The following KCNH2 variants were observed in gnomAD, a reference collection of about 807,000 sequenced individuals.
KCNH2 encodes voltage-gated inwardly rectifying potassium channel KCNH2.
In KCNH2, 35 loss-of-function variants were observed where a neutral mutation model predicts 95.9. That is an observed-to-expected ratio of 0.37 (90% CI 0.28 to 0.48). The LOEUF (loss-of-function observed/expected upper bound fraction) is 0.48. Ranked by LOEUF, KCNH2 falls within the 20% of genes least tolerant of loss-of-function variation. KCNH2 has a pLI of 0.99. For synonymous variants in KCNH2, 786 were observed against 754.7 expected (o/e 1.04, Z -0.68); for missense variants, 1,274 against 1,702.9 (o/e 0.75, Z 4.43).
intron 3 of KCNH2, among the ~76,000 whole-genome samples, chr7:150,958,865 C>T (rs1406777006): frequency 6.6e-6 from 1 of 152,160 alleles, no homozygotes; most frequent in African/African-American, 2.4e-5. Flanking sequence ...CCTAAGTGGG[C>T]GACACAATGC....
chr7:150,953,152 A>C (rs1801249170), intron 5 of KCNH2, among the ~76,000 whole-genome samples: 1 of 152,174 alleles, frequency 6.6e-6, no homozygotes, highest in Non-Finnish European at 1.5e-5. Context: ...CCGGCAATGC[A>C]GATGCAGACC....
Position 150,952,933 on chromosome 7 carries a change from G to T in KCNH2, c.1129-80C>A. The T allele has an allele frequency of 7.1e-7, 1 of 1,407,904 alleles. No homozygotes were observed. Among genetic ancestry groups the T allele is most frequent in the Non-Finnish European group, 9.8e-7 (1 of 1,016,268 alleles). 87.2% of individuals were successfully genotyped at this position (1,407,904 alleles called of 1,614,324 possible). A position where few individuals can be genotyped will look rare whatever the true frequency, so the allele number is the denominator to read the frequency against. ...CAGGAGCGATGACATCTCTGCCGGG[G>T]CCAAGCAGAATGAGGAGGAGGCCAA... On this transcript the variant is annotated intron_variant, in intron 5 of 14. Transcript: ENST00000262186. The surrounding 1 kb of genome is among the most constrained non-coding windows in gnomAD (Gnocchi z 7.3).
chr7:150,952,652 C>T lies in KCNH2; in HGVS notation c.1330G>A (p.Glu444Lys), dbSNP rs201268831. The change falls in exon 6 of 15, where the codon GAG becomes AAG. Residue 444 changes from glutamate to lysine, a missense_variant. Coordinates refer to ENST00000262186, the MANE Select transcript of KCNH2 (RefSeq NM_000238.4). This position sits in a 1 kb window ranked among gnomAD's most constrained non-coding sequence, Gnocchi z 7.3. ...AGCGGCTGGCAGGCGTAGCCACACT[C>T]GGTAGCAGGCGGGCCTTCTTCCGTC... is the stretch of plus-strand genomic sequence containing the variant. ...KETEEGPPAT[E>K]CGYACQPLAV... 9.9e-6 allele frequency: 16 copies of T among 1,614,082 alleles called. No individual in the cohort carries two copies. Among genetic ancestry groups the T allele is most frequent in the African/African-American group, 5.3e-5 (4 of 74,938 alleles).
chr7:150,955,095 ATC>A (rs1377735432), intron 5 of KCNH2, among the ~76,000 whole-genome samples: 1 of 151,870 alleles, frequency 6.6e-6, no homozygotes, highest in Non-Finnish European at 1.5e-5. Flanking sequence ...CCTCCCCACC[ATC>A]TCTCTGGGCA....
chr7:150,975,018 C>T, intron 1 of KCNH2, 77 bp from the exon 2 acceptor site: 1 of 1,318,124 alleles, frequency 7.6e-7, no homozygotes, highest in Admixed American at 2.1e-5. Flanking sequence ...CCACATTCTC[C>T]ACTCACACAG....
intron 1 of KCNH2, among the ~76,000 whole-genome samples, chr7:150,976,730 A>ACCC (rs372819784): frequency 1.5e-5 from 2 of 132,382 alleles, no homozygotes; most frequent in African/African-American, 5.8e-5. Context: ...AGAATCCAGC[A>ACCC]CCCCCCCCCA....
Position 150,947,733 on chromosome 7 carries a change from T to G in KCNH2, c.2838A>C (p.Pro946=). Residue 946 remains proline (P), a synonymous_variant, in exon 12 of 15, where the codon CCA becomes CCC. Coordinates refer to ENST00000262186, the MANE Select transcript of KCNH2 (RefSeq NM_000238.4). Reference sequence around the variant, plus strand: ...GGCGGAGGGGGCTGGAGCTGCGGCCTGGGCCCTCATCCTCACTGCTCTCAG... The same window carrying G: ...GGCGGAGGGGGCTGGAGCTGCGGCCGGGGCCCTCATCCTCACTGCTCTCAG... ...SSPESSEDEG[P]GRSSSPLRLV... The G allele has an allele frequency of 6.4e-7, 1 of 1,560,600 alleles. No homozygotes were observed. The highest frequency in any genetic ancestry group is 8.7e-7 in the Non-Finnish European group (1 of 1,156,010).
intron 2 of KCNH2, among the ~76,000 whole-genome samples, chr7:150,967,968 G>A (rs1328764428): frequency 6.6e-6 from 1 of 152,222 alleles, no homozygotes; most frequent in Non-Finnish European, 1.5e-5. Context: ...AAATTAAAAT[G>A]AGCAAAGGAC....
At position 150,958,044 on chromosome 7, in the gene KCNH2, C is replaced by T. The variant is rs890879636; in HGVS notation, c.916+15G>A. 65 of 1,263,380 alleles carry T rather than the reference C, an allele frequency of 5.1e-5. No individual in the cohort carries two copies. The highest frequency in any genetic ancestry group is 6.1e-5 in the Non-Finnish European group (61 of 1,007,894). 78.3% of individuals were successfully genotyped at this position (1,263,380 alleles called of 1,614,324 possible). A position where few individuals can be genotyped will look rare whatever the true frequency, so the allele number is the denominator to read the frequency against. On this transcript the variant is annotated intron_variant, in intron 4 of 14. Coordinates refer to ENST00000262186, the MANE Select transcript of KCNH2 (RefSeq NM_000238.4). ...AGCGTGGGCTGGGGCGGAACGGGTC[C>T]CGCGGCGCCCTCACCGGTGCTGGCG... is the stretch of plus-strand genomic sequence containing the variant.
intron 5 of KCNH2, among the ~76,000 whole-genome samples, chr7:150,953,952 G>C (rs916253149): frequency 6.6e-6 from 1 of 152,226 alleles, no homozygotes; most frequent in African/African-American, 2.4e-5. Context: ...GAGTCCCAAA[G>C]ACTCCCCTTC....
At position 150,958,107 on chromosome 7, in the gene KCNH2, C is replaced by G. The variant is rs532891158; in HGVS notation, c.868G>C (p.Ala290Pro). The change falls in exon 4 of 15, where the codon GCC becomes CCC. Residue 290 changes from alanine (A) to proline (P), a missense_variant. By Grantham distance (27) the Ala-to-Pro change is conservative. Coordinates refer to ENST00000262186, the MANE Select transcript of KCNH2 (RefSeq NM_000238.4). ...GGGGGCAGCACCCCGGCGCGCATGG[C>G]CTCGATGTCGTCGGCCGACGAGGCG... ...RRASSADDIE[A>P]MRAGVLPPPP... 2.3e-6 allele frequency: 3 copies of G among 1,297,374 alleles called. No individual in the cohort carries two copies. Among genetic ancestry groups the G allele is most frequent in the Non-Finnish European group, 2.9e-6 (3 of 1,027,256 alleles). The allele number at this position is 1,297,374 out of a possible 1,614,324, so 80.4% of individuals were successfully genotyped here. A position where few individuals can be genotyped will look rare whatever the true frequency, so the allele number is the denominator to read the frequency against.
rs879312205 is a variant in KCNH2 at position 150,951,949 on chromosome 7, T to C, written c.1558-114A>G. 3 of 967,058 alleles carry C rather than the reference T, an allele frequency of 3.1e-6. No homozygotes were observed. In the East Asian group the frequency reaches 7.6e-5, roughly 24 times the overall value. The allele number at this position is 967,058 out of a possible 1,614,324, so 59.9% of individuals were successfully genotyped here. On this transcript the variant is annotated intron_variant, in intron 6 of 14. Transcript: ENST00000262186. ...AGAGGTCAGATCCCCAAAGACTTCC[T>C]AGACCCTCCTCCTAAGAGGTGAAGC...
At position 150,951,125 on chromosome 7, in the gene KCNH2, G is replaced by A. The variant is rs776736691; in HGVS notation, c.1946-5C>T. On this transcript the variant is annotated splice_region_variant and splice_polypyrimidine_tract_variant and intron_variant, in intron 7 of 14. Coordinates refer to ENST00000262186, the MANE Select transcript of KCNH2 (RefSeq NM_000238.4). ...AGATGCTAGCATACATGAGGGCTGG[G>A]GGCGTGGGCACGTGGGGCCGTCAGC... The A allele has an allele frequency of 3.1e-6, 5 of 1,598,270 alleles. No homozygotes were observed. The highest frequency in any genetic ancestry group is 2.2e-5 in the East Asian group (1 of 44,626).
chr7:150,972,617 T>C (rs1351184317), intron 2 of KCNH2, among the ~76,000 whole-genome samples: 1 of 152,188 alleles, frequency 6.6e-6, no homozygotes, highest in Non-Finnish European at 1.5e-5. Context: ...AGACAGAGAT[T>C]GCTGGCACAG....
intron 4 of KCNH2, among the ~76,000 whole-genome samples, chr7:150,957,776 G>A (rs941001036): frequency 8.5e-5 from 13 of 152,244 alleles, no homozygotes; most frequent in Non-Finnish European, 1.5e-4. Flanking sequence ...TTCGGAGGCT[G>A]GGCACGTCTC....
chr7:150,976,290 T>C (rs1383706542), intron 1 of KCNH2, among the ~76,000 whole-genome samples: 1 of 152,072 alleles, frequency 6.6e-6, no homozygotes, highest in Non-Finnish European at 1.5e-5. Context: ...TCCTCCCACC[T>C]TTCTCGATTC....
intron 13 of KCNH2, 58 bp downstream of exon 13, chr7:150,947,270 G>A (rs779713717): frequency 2.9e-5 from 41 of 1,414,120 alleles, no homozygotes; most frequent in Non-Finnish European, 3.4e-5. Flanking sequence ...AGACAACACC[G>A]CCAGGACCTG....
chr7:150,958,291 C>A lies in KCNH2; in HGVS notation c.684G>T (p.Ala228=), dbSNP rs1350217087. 2.0e-6 allele frequency: 3 copies of A among 1,466,180 alleles called. No individual in the cohort carries two copies. The South Asian group carries it at 3.9e-5, about 19-fold the overall frequency. 90.8% of individuals were successfully genotyped at this position (1,466,180 alleles called of 1,614,324 possible). A position where few individuals can be genotyped will look rare whatever the true frequency, so the allele number is the denominator to read the frequency against. The change falls in exon 4 of 15, where the codon GCG becomes GCT. Residue 228 remains alanine, a synonymous_variant. Transcript: ENST00000262186. ...GACCCACCAGCGCACGCCGCTCCTCCGCGGGCCCGAGCCCTGCCACGTGGT... is the reference window on the plus strand; with the variant it reads ...GACCCACCAGCGCACGCCGCTCCTCAGCGGGCCCGAGCCCTGCCACGTGGT... ...MDNHVAGLGP[A]EERRALVGPG... is the part of the protein sequence containing the mutation.
At chr7:150,977,762 G>C in intron 1 of KCNH2, 76 bp downstream of exon 1, 2 of 1,219,360 alleles carry the variant, frequency 1.6e-6, no homozygotes, top group South Asian at 1.4e-5. Flanking sequence ...GCCCGGGCAC[G>C]CCCCCCCATC....
Sources: allele counts gnomAD v4.1 joint callset (sites outside exome capture counted in the v4.1 genomes callset), GRCh38; gene constraint gnomAD v4.1.1; non-coding constraint Gnocchi (gnomAD v3.1); transcripts MANE v1.5; gene names NCBI Gene and HGNC (gene_info 2026-07-23, HGNC 2026-07-21).